ADAMTS3: variants seen among roughly 807,000 people sequenced by gnomAD.
ADAMTS3 encodes A disintegrin and metalloproteinase with thrombospondin motifs 3.
A neutral mutation model predicts 129.0 loss-of-function variants in ADAMTS3; 73 were observed. That is an observed-to-expected ratio of 0.57 (90% confidence interval 0.47 to 0.69). The LOEUF (loss-of-function observed/expected upper bound fraction) is 0.69. Ranked by LOEUF, ADAMTS3 falls within the 30% of genes least tolerant of loss-of-function variation. The pLI, the probability that ADAMTS3 is intolerant of heterozygous loss-of-function variation, is 0.00. For synonymous variants in ADAMTS3, 477 were observed against 510.8 expected (o/e 0.93, Z 0.89); for missense variants, 1,457 against 1,514.5 (o/e 0.96, Z 0.63).
At chr4:72,406,556 C>T (rs1722058390) in intron 4 of ADAMTS3, among the ~76,000 whole-genome samples, 1 of 152,134 alleles carries the variant, frequency 6.6e-6, no homozygotes, top group African/African-American at 2.4e-5. Context: ...AAATATAAAA[C>T]TTGAAGTTAA....
chr4:72,530,036 A>AATATATTATATTTATATATAATATTTT (rs1720948405), intron 3 of ADAMTS3, among the ~76,000 whole-genome samples: 1 of 7,728 alleles, frequency 1.3e-4, no homozygotes, highest in Non-Finnish European at 2.4e-4. Flanking sequence ...ATATAAATAT[A>AATATATTATATTTATATATAATATTTT]ATATATTATA....
chr4:72,351,137 A>C (rs1720424182), intron 4 of ADAMTS3, among the ~76,000 whole-genome samples: 1 of 151,996 alleles, frequency 6.6e-6, no homozygotes, highest in South Asian at 2.1e-4. Flanking sequence ...TCACTGCCTG[A>C]TAGCCAACGT....
At chr4:72,391,456 C>T (rs1476712655) in intron 4 of ADAMTS3, among the ~76,000 whole-genome samples, 1 of 152,050 alleles carries the variant, frequency 6.6e-6, no homozygotes, top group East Asian at 1.9e-4. Flanking sequence ...TTCAGAGCAG[C>T]TGGGGTGTAG....
chr4:72,435,947 G>C (rs1035905783), intron 3 of ADAMTS3, among the ~76,000 whole-genome samples: 2 of 151,952 alleles, frequency 1.3e-5, no homozygotes, highest in African/African-American at 2.4e-5. Context: ...GCATGGGCAA[G>C]GAATTCATGA....
chr4:72,321,253 C>T (rs1287239275), intron 6 of ADAMTS3, among the ~76,000 whole-genome samples: 2 of 152,112 alleles, frequency 1.3e-5, no homozygotes, highest in African/African-American at 2.4e-5. Context: ...CTCACTGCAA[C>T]CTCTGCCTCT....
intron 2 of ADAMTS3, among the ~76,000 whole-genome samples, chr4:72,550,301 A>G (rs1721614896): frequency 6.6e-6 from 1 of 151,976 alleles, no homozygotes; most frequent in South Asian, 2.1e-4. Flanking sequence ...AGATCTGTAA[A>G]TGAACCTACG....
At chr4:72,343,603 T>C (rs1235564211) in intron 4 of ADAMTS3, among the ~76,000 whole-genome samples, 2 of 152,192 alleles carry the variant, frequency 1.3e-5, no homozygotes, top group African/African-American at 2.4e-5. Context: ...GGAGACGGAT[T>C]TGAGTAATAA....
chr4:72,312,597 C>T (rs1719272785), intron 12 of ADAMTS3, 131 bp from the exon 13 acceptor site: 1 of 766,608 alleles, frequency 1.3e-6, no homozygotes, highest in African/African-American at 1.7e-5. Flanking sequence ...ACTCATACTT[C>T]CTAATTTCAG....
At chr4:72,564,546 G>A (rs1240136449) in intron 2 of ADAMTS3, among the ~76,000 whole-genome samples, 1 of 152,146 alleles carries the variant, frequency 6.6e-6, no homozygotes, top group Non-Finnish European at 1.5e-5. Flanking sequence ...ATAGGTAGGT[G>A]GTTAGAGAGG....
chr4:72,288,897 C>T (rs1325821091), intron 20 of ADAMTS3, 29 bp from the exon 21 acceptor site: 1 of 1,277,566 alleles, frequency 7.8e-7, no homozygotes, highest in South Asian at 1.2e-5. Flanking sequence ...TGGTTACAGA[C>T]ATTTATTGCA....
At chr4:72,294,430 G>C (rs895894469) in intron 19 of ADAMTS3, among the ~76,000 whole-genome samples, 1 of 152,064 alleles carries the variant, frequency 6.6e-6, no homozygotes, top group African/African-American at 2.4e-5. Flanking sequence ...TTTCAAAATT[G>C]CTAGGAGAGC....
chr4:72,436,529 TCATG>T (rs1717931181), intron 3 of ADAMTS3, among the ~76,000 whole-genome samples: 1 of 152,128 alleles, frequency 6.6e-6, no homozygotes, highest in African/African-American at 2.4e-5. Flanking sequence ...GGAATATAAA[TCATG>T]CTGCTATAAA....
At chr4:72,285,260 G>T (rs1342872982) in intron 21 of ADAMTS3, among the ~76,000 whole-genome samples, 1 of 152,092 alleles carries the variant, frequency 6.6e-6, no homozygotes, top group Non-Finnish European at 1.5e-5. Flanking sequence ...ACATGTGCAG[G>T]TCTATTATAT....
intron 1 of ADAMTS3, 28 bp downstream of exon 1, chr4:72,568,666 T>G (rs1284147755): frequency 3.1e-6 from 5 of 1,603,638 alleles, no homozygotes; most frequent in Non-Finnish European, 3.4e-6. Flanking sequence ...GTTTGAGTTT[T>G]TTTTTATTGT....
intron 4 of ADAMTS3, among the ~76,000 whole-genome samples, chr4:72,409,256 T>G (rs13152263): frequency 0.67 from 101,674 of 151,890 alleles, 34,658 homozygotes; most frequent in South Asian, 0.8. Context: ...AAAGGAGCAA[T>G]TACATTTTAA....
chr4:72,539,085 C>A (rs1023732005), intron 3 of ADAMTS3, among the ~76,000 whole-genome samples: 3 of 151,802 alleles, frequency 2.0e-5, no homozygotes, highest in African/African-American at 7.3e-5. Context: ...ATATATAGGG[C>A]AAAAGCTTCA....
At chr4:72,456,904 T>C (rs1718637992) in intron 3 of ADAMTS3, among the ~76,000 whole-genome samples, 1 of 151,666 alleles carries the variant, frequency 6.6e-6, no homozygotes, top group African/African-American at 2.4e-5. Context: ...CAAAAGAAAG[T>C]CTTTGAGAAA....
chr4:72,522,432 T>A (rs11730760), intron 3 of ADAMTS3, among the ~76,000 whole-genome samples: 4 of 152,280 alleles, frequency 2.6e-5, no homozygotes, highest in Admixed American at 2.6e-4. Context: ...ATCATCCTGG[T>A]TACAATCCTC....
At chr4:72,491,245 G>A (rs893439899) in intron 3 of ADAMTS3, among the ~76,000 whole-genome samples, 2 of 151,414 alleles carry the variant, frequency 1.3e-5, no homozygotes, top group African/African-American at 4.8e-5. Context: ...AGTTTCCTGG[G>A]TATATGATCA....
Sources: allele counts gnomAD v4.1 joint callset (sites outside exome capture counted in the v4.1 genomes callset), GRCh38; gene constraint gnomAD v4.1.1; transcripts MANE v1.5; gene names NCBI Gene and HGNC (gene_info 2026-07-23, HGNC 2026-07-21).